SLC12A4: variants seen among roughly 807,000 people sequenced by gnomAD.
The protein encoded by SLC12A4 is electroneutral potassium-chloride cotransporter 1.
SLC12A4 carries 84 observed loss-of-function variants against 119.2 expected under a neutral mutation model. That is an observed-to-expected ratio of 0.70 (90% CI 0.59 to 0.85). SLC12A4 has a LOEUF of 0.85. SLC12A4 is among the 40% of genes least tolerant of loss of function. The probability of loss-of-function intolerance (pLI) is 0.00; values close to 1 mark genes in which losing one functional copy is unlikely to be tolerated. For missense variants in SLC12A4, 1,298 were observed against 1,476.3 expected (o/e 0.88, Z 1.98); for synonymous variants, 599 against 604.6 (o/e 0.99, Z 0.14).
chr16:67,952,158 C>A (rs980374377), intron 7 of SLC12A4, 26 bp downstream of exon 7: 2 of 1,613,226 alleles, frequency 1.2e-6, no homozygotes, highest in Non-Finnish European at 1.7e-6. Context: ...CCATGCAATG[C>A]CCAGATAAAT....
At chr16:67,956,350 A>G (rs2030259797) in intron 5 of SLC12A4, among the ~76,000 whole-genome samples, 2 of 152,086 alleles carry the variant, frequency 1.3e-5, no homozygotes, top group South Asian at 2.1e-4. Flanking sequence ...GAATAATCAC[A>G]TTAATTAGGT....
intron 6 of SLC12A4, among the ~76,000 whole-genome samples, chr16:67,952,843 T>C (rs2030007469): frequency 6.6e-6 from 1 of 151,460 alleles, no homozygotes; most frequent in East Asian, 1.9e-4. Flanking sequence ...ATCCCAGCAC[T>C]TTGGGAGGCT....
At chr16:67,956,883 A>G (rs2030292969) in intron 5 of SLC12A4, among the ~76,000 whole-genome samples, 2 of 151,926 alleles carry the variant, frequency 1.3e-5, no homozygotes, top group Admixed American at 6.6e-5. Context: ...TGCGTGTGCA[A>G]TACTTCATAA....
intron 17 of SLC12A4, 133 bp from the exon 18 acceptor site, chr16:67,946,766 G>T: frequency 1.6e-6 from 2 of 1,270,472 alleles, no homozygotes; most frequent in Non-Finnish European, 1.1e-6. Context: ...CCTACCCAGA[G>T]GCCAAGTTTT....
At position 67,946,021 on chromosome 16, in the gene SLC12A4, T is replaced by C. The variant is rs960086954; in HGVS notation, c.2669A>G (p.Gln890Arg). The change falls in exon 20 of 24, where the codon CAG becomes CGG. Residue 890 changes from glutamine to arginine, a missense_variant. Transcript: ENST00000316341. ...AAAGACAGCCAGGTCCTTCTTCATC[T>C]GGATGCTGTTGTCATCCATCTGGGC... is the stretch of plus-strand genomic sequence containing the variant. ...TVAQMDDNSI[Q>R]MKKDLAVFLY... 8.1e-6 allele frequency: 13 copies of C among 1,613,986 alleles called. No individual in the cohort carries two copies. Among genetic ancestry groups the C allele is most frequent in the Admixed American group, 3.3e-5 (2 of 60,008 alleles).
chr16:67,968,388 C>T (rs762994843), intron 1 of SLC12A4, 51 bp downstream of exon 1: 2 of 1,477,406 alleles, frequency 1.4e-6, no homozygotes, highest in Non-Finnish European at 1.8e-6. Context: ...ATGGCGGCCC[C>T]GGGTGGCAGG....
chr16:67,950,638 G>A lies in SLC12A4; in HGVS notation c.1454+16C>T, dbSNP rs767184820. On this transcript the variant is annotated intron_variant, in intron 11 of 23. Coordinates refer to ENST00000316341, the MANE Select transcript of SLC12A4 (RefSeq NM_005072.5). The surrounding 1 kb of genome is among the most constrained non-coding windows in gnomAD (Gnocchi z 4.3). ...AAGCCCAGCCGCTGCTAAAGAGGGG[G>A]GCCCAGCTCACTCACTTGTCCCGGA... 2 of 1,611,156 alleles carry A rather than the reference G, an allele frequency of 1.2e-6. No individual in the cohort carries two copies. The highest frequency in any genetic ancestry group is 1.1e-5 in the South Asian group (1 of 90,654).
intron 1 of SLC12A4, chr16:67,964,192 G>T: frequency 8.6e-7 from 1 of 1,161,404 alleles, no homozygotes; most frequent in Non-Finnish European, 1.2e-6. Context: ...ACGGGTGGGT[G>T]TCGGACTGAG....
chr16:67,953,189 C>G (rs1212565056), intron 6 of SLC12A4, among the ~76,000 whole-genome samples: 1 of 151,928 alleles, frequency 6.6e-6, no homozygotes, highest in Non-Finnish European at 1.5e-5. Context: ...GAGTTCGAGA[C>G]AACCCCAGGC....
intron 21 of SLC12A4, 52 bp from the exon 22 acceptor site, chr16:67,945,605 G>A (rs747079698): frequency 6.4e-7 from 1 of 1,574,450 alleles, no homozygotes; most frequent in Non-Finnish European, 8.6e-7. Context: ...AGGGGGATGG[G>A]GCCTGTCTGG....
Position 67,952,424 on chromosome 16 carries a change from G to A in SLC12A4, c.677C>T (p.Thr226Ile), listed in dbSNP as rs969252414. The change falls in exon 7 of 24, where the codon ACC (threonine) becomes ATC (isoleucine). Residue 226 changes from threonine to isoleucine, a missense_variant and splice_region_variant. Thr to Ile is a moderately conservative substitution (Grantham distance 89, BLOSUM62 -1). Coordinates refer to ENST00000316341, the MANE Select transcript of SLC12A4 (RefSeq NM_005072.5). ...YILGAIEILL[T>I]YIAPPAAIFY... is the part of the protein sequence containing the mutation. ...AATGGCAGCTGGTGGGGCAATGTAG[G>A]TCTGAAACAAGAAGATGGATAAGGA... 3 of 1,613,770 alleles carry A rather than the reference G, an allele frequency of 1.9e-6. No homozygotes were observed. The highest frequency in any genetic ancestry group is 2.7e-5 in the African/African-American group (2 of 74,928).
chr16:67,946,040 T>A lies in SLC12A4; in HGVS notation c.2650A>T (p.Met884Leu), dbSNP rs1344609194. 1 of 1,614,024 alleles carries A rather than the reference T, an allele frequency of 6.2e-7. No individual in the cohort carries two copies. Among genetic ancestry groups the A allele is most frequent in the Admixed American group, 1.7e-5 (1 of 60,028 alleles). Residue 884 changes from methionine (M) to leucine (L), a missense_variant, in exon 20 of 24, where the codon ATG becomes TTG. Met to Leu is a conservative substitution (Grantham distance 15). Coordinates refer to ENST00000316341, the MANE Select transcript of SLC12A4 (RefSeq NM_005072.5). ...CRMRIFTVAQ[M>L]DDNSIQMKKD... ...TTCATCTGGATGCTGTTGTCATCCA[T>A]CTGGGCCACTGTGAAGATGCGCATC...
rs184762820 is a variant in SLC12A4, at chr16:67,949,111, G to A, written c.1748+689C>T. 2.0e-5 allele frequency among the ~76,000 whole-genome samples: 3 copies of A among 152,300 alleles called. No individual in the cohort carries two copies. The highest frequency in any genetic ancestry group is 1.9e-4 in the East Asian group (1 of 5,176). On this transcript the variant is annotated intron_variant, in intron 13 of 23. Transcript: ENST00000316341. This position sits in a 1 kb window ranked among gnomAD's most constrained non-coding sequence, Gnocchi z 4.6. The stretch of plus-strand genomic sequence containing the variant: ...GCCACTCCCTGCAAGGCACTGGCAC[G>A]CAGATTTGCCTGGCTGATTCCAGAA...
chr16:67,966,726 T>G (rs1046172517), intron 1 of SLC12A4: 1 of 1,551,174 alleles, frequency 6.4e-7, no homozygotes, highest in Admixed American at 2.0e-5. Context: ...CCCTTTGCAG[T>G]CCCCACCAAG....
chr16:67,967,421 G>A (rs990321705), intron 1 of SLC12A4, among the ~76,000 whole-genome samples: 8 of 152,198 alleles, frequency 5.3e-5, no homozygotes, highest in Admixed American at 6.5e-5. Context: ...AACAGGGGCT[G>A]TGAGAATGCC....
chr16:67,952,264 G>A lies in SLC12A4; in HGVS notation c.837C>T (p.Leu279=). 2 of 1,614,210 alleles carry A rather than the reference G, an allele frequency of 1.2e-6. No homozygotes were observed. Among genetic ancestry groups the A allele is most frequent in the Non-Finnish European group, 1.7e-6 (2 of 1,180,042 alleles). ...TGGAGATGATCACACAGGCCAGGAA[G>A]AGCGAGGCAAATTTGTTCACATACT... The part of the protein sequence containing the change: ...GVKYVNKFAS[L]FLACVIISIL... Residue 279 remains leucine (L), a synonymous_variant, in exon 7 of 24, where the codon CTC becomes CTT. Coordinates refer to ENST00000316341, the MANE Select transcript of SLC12A4 (RefSeq NM_005072.5).
In SLC12A4 at chr16:67,944,820, G is replaced by A. The variant is rs1431121682; in HGVS notation, c.*20C>T. 1 of 1,611,766 alleles carries A rather than the reference G, an allele frequency of 6.2e-7. No individual in the cohort carries two copies. Among genetic ancestry groups the A allele is most frequent in the South Asian group, 1.1e-5 (1 of 91,048 alleles). On this transcript the variant is annotated 3_prime_UTR_variant, in exon 24 of 24. Transcript: ENST00000316341. The surrounding 1 kb of genome is among the most constrained non-coding windows in gnomAD (Gnocchi z 6.6). ...GTCCTGGCCAAGACCTCGACTCCAG[G>A]CCACAAGATGACACTGGGCTCAGGA...
intron 1 of SLC12A4, chr16:67,963,941 G>C: frequency 6.4e-7 from 1 of 1,551,426 alleles, no homozygotes; most frequent in Non-Finnish European, 8.7e-7. Flanking sequence ...CCAATGTGCA[G>C]GATGCCAAGG....
Position 67,954,701 on chromosome 16 carries a change from T to C in SLC12A4, c.617A>G (p.Tyr206Cys). The C allele has an allele frequency of 3.1e-6, 5 of 1,614,088 alleles. No individual in the cohort carries two copies. Among genetic ancestry groups the C allele is most frequent in the African/African-American group, 1.3e-5 (1 of 74,994 alleles). ...GGCTGCTGCGAATGTTGTTCCCAGG[T>C]AGAAGCACAGGCCCACAGCACCTCC... is the stretch of plus-strand genomic sequence containing the variant. The part of the protein sequence containing the change: ...EFGGAVGLCF[Y>C]LGTTFAAAMY... Residue 206 changes from tyrosine to cysteine, a missense_variant, in exon 6 of 24, where the codon TAC becomes TGC. Tyr to Cys is a radical substitution (Grantham distance 194, BLOSUM62 -2). Coordinates refer to ENST00000316341, the MANE Select transcript of SLC12A4 (RefSeq NM_005072.5).
Sources: gnomAD v4.1 joint callset for allele counts (sites outside exome capture counted in the v4.1 genomes callset) on GRCh38, gnomAD v4.1.1 for gene constraint, Gnocchi (gnomAD v3.1) non-coding constraint, MANE v1.5 for transcripts, NCBI Gene and HGNC (gene_info 2026-07-23, HGNC 2026-07-21) for gene names.